LRCOL1: variants seen among roughly 807,000 people sequenced by gnomAD.
The protein encoded by LRCOL1 is leucine rich colipase like 1, also known as leucine-rich colipase-like protein 1.
A neutral mutation model predicts 21.6 loss-of-function variants in LRCOL1; 21 were observed. The observed-to-expected ratio is 0.97, with a 90% CI of 0.69 to 1.40. The LOEUF is 1.40. Ranked by LOEUF, LRCOL1 falls within the 40% of genes most tolerant of loss-of-function variation. LRCOL1 has a pLI of 0.00. For missense variants in LRCOL1, 198 were observed against 202.3 expected (o/e 0.98, Z 0.13); for synonymous variants, 98 against 90.1 (o/e 1.09, Z -0.49).
At position 132,607,347 on chromosome 12, in the gene LRCOL1, C is replaced by A. The variant is rs546693564; in HGVS notation, c.-13-1083G>T. On this transcript the variant is annotated intron_variant, in intron 1 of 5. Coordinates refer to ENST00000376608, the MANE Select transcript of LRCOL1 (RefSeq NM_001195520.2). The stretch of plus-strand genomic sequence containing the variant: ...CTGACAGGAGAGGCCAGACCAAGAT[C>A]AACACAAAATTCAAAACGATTTCTC... Among the ~76,000 whole-genome samples, 265 of 152,344 alleles carry A rather than the reference C, an allele frequency of 1.7e-3. 2 individuals carry two copies. Among genetic ancestry groups the A allele is most frequent in the African/African-American group, 6.1e-3 (255 of 41,580 alleles).
chr12:132,607,252 G>A (rs1207207845), intron 1 of LRCOL1, among the ~76,000 whole-genome samples: 1 of 152,194 alleles, frequency 6.6e-6, no homozygotes, highest in Non-Finnish European at 1.5e-5. Context: ...GTCATTAGGA[G>A]GGTCTCTCTT....
intron 2 of LRCOL1, chr12:132,605,046 C>T: frequency 7.2e-7 from 1 of 1,390,264 alleles, no homozygotes; most frequent in Non-Finnish European, 9.3e-7. Context: ...TACTGTGAGC[C>T]ACGTGGAAGA....
chr12:132,610,112 C>T lies in LRCOL1; in HGVS notation c.-14+211G>A, dbSNP rs2041354649. Among the ~76,000 whole-genome samples, 4 of 152,206 alleles carry T rather than the reference C, an allele frequency of 2.6e-5. No individual in the cohort carries two copies. In the South Asian group the frequency reaches 6.2e-4, roughly 24 times the overall value. On this transcript the variant is annotated intron_variant, in intron 1 of 5. Transcript: ENST00000376608. ...GTTTCGGCGGCCCAGCAGGGCAGGG[C>T]CGGGCACCTGGCAGGTGGGGTCATC...
intron 1 of LRCOL1, among the ~76,000 whole-genome samples, chr12:132,607,231 C>G (rs1273001869): frequency 6.6e-6 from 1 of 152,190 alleles, no homozygotes; most frequent in Non-Finnish European, 1.5e-5. Flanking sequence ...CAGCCGGGCC[C>G]AGGCGGAGAC....
rs2041247038 is a variant in LRCOL1, at chr12:132,603,218, T to A, written c.*184A>T. 1.2e-6 allele frequency: 1 copy of A among 860,468 alleles called. No homozygotes were observed. The highest frequency in any genetic ancestry group is 2.7e-5 in the East Asian group (1 of 36,832). The allele number at this position is 860,468 out of a possible 1,614,324, so 53.3% of individuals were successfully genotyped here. ...ACACCCCAGTGCCTGGGATTTGTTC[T>A]CACAGACACTTCGCGCCACCAGGCT... On this transcript the variant is annotated 3_prime_UTR_variant, in exon 6 of 6. Transcript: ENST00000376608.
intron 5 of LRCOL1, 32 bp from the exon 6 acceptor site, chr12:132,603,436 C>A: frequency 1.3e-6 from 2 of 1,536,156 alleles, no homozygotes; most frequent in Non-Finnish European, 1.7e-6. Flanking sequence ...AGGAAACGTG[C>A]AGGGGACGGG....
In LRCOL1 at chr12:132,604,566, A is replaced by T; in HGVS notation, c.250T>A (p.Ser84Thr). The change falls in exon 4 of 6, where the codon TCG (serine) becomes ACG (threonine). Residue 84 changes from serine (S) to threonine (T), a missense_variant. Coordinates refer to ENST00000376608, the MANE Select transcript of LRCOL1 (RefSeq NM_001195520.2). ...CTGCTCTGGCACTCTGAGTCGTGCG[A>T]GCATCTGTACCCATTGGGCTATGGG... ...PWRKPNGYRC[S>T]HDSECQSSCC... The T allele has an allele frequency of 2.0e-6, 3 of 1,535,836 alleles. No individual in the cohort carries two copies. Among genetic ancestry groups the T allele is most frequent in the Non-Finnish European group, 1.7e-6 (2 of 1,146,752 alleles).
In LRCOL1 at chr12:132,607,273, G is replaced by A. The variant is rs567764188; in HGVS notation, c.-13-1009C>T. Among the ~76,000 whole-genome samples the A allele has an allele frequency of 2.0e-5, 3 of 152,276 alleles. No homozygotes were observed. The East Asian group carries it at 5.8e-4, about 29-fold the overall frequency. On this transcript the variant is annotated intron_variant, in intron 1 of 5. Transcript: ENST00000376608. ...AGGAGGGTCTCTCTTTTCCTCCTGG[G>A]TTCCAAAGCCATACGGGAAAACCCA...
Position 132,604,834 on chromosome 12 carries a change from GAAACACCACTCACCA to G in LRCOL1, c.106-18_106-4del. The G allele has an allele frequency of 2.0e-6, 3 of 1,535,848 alleles. No individual in the cohort carries two copies. On this transcript the variant is annotated splice_polypyrimidine_tract_variant and splice_region_variant and intron_variant, in intron 2 of 5. Transcript: ENST00000376608. ...CTCCTGCATGGCTCCCCGATGCCCT[GAAACACCACTCACCA>G]GCTCGCTCACCTGTTCCTGGGCAGG...
chr12:132,604,083 C>G, intron 5 of LRCOL1, 171 bp downstream of exon 5: 1 of 1,425,512 alleles, frequency 7.0e-7, no homozygotes, highest in Non-Finnish European at 9.1e-7. Flanking sequence ...CTCTGCGGCC[C>G]CCACCTTATG....
intron 3 of LRCOL1, 39 bp downstream of exon 3, chr12:132,604,667 A>G (rs1447122123): frequency 6.5e-7 from 1 of 1,527,960 alleles, no homozygotes; most frequent in East Asian, 2.5e-5. Flanking sequence ...GGCCACAGGC[A>G]GTCTCGCTCC....
intron 1 of LRCOL1, among the ~76,000 whole-genome samples, chr12:132,607,287 C>T (rs536709936): frequency 6.6e-5 from 10 of 152,144 alleles, no homozygotes; most frequent in Admixed American, 6.5e-5. Context: ...CAAAGCCATA[C>T]GGGAAAACCC....
Position 132,604,466 on chromosome 12 carries a change from C to T in LRCOL1, c.350G>A (p.Arg117His), listed in dbSNP as rs756009698. The T allele has an allele frequency of 1.0e-5, 16 of 1,535,134 alleles. No individual in the cohort carries two copies. In the South Asian group the frequency reaches 1.3e-4, roughly 13 times the overall value. ...CCCCGGGTGCCCGCAGCTCACCTTG[C>T]GCCAGGGCACACACTGCAGGAAGAC... ...QSVFLQCVPW[R>H]KPNGDFCSSH... Residue 117 changes from arginine to histidine, a missense_variant, in exon 4 of 6, where the codon CGC becomes CAC. Transcript: ENST00000376608.
chr12:132,609,569 TC>T (rs1403746549), intron 1 of LRCOL1, among the ~76,000 whole-genome samples: 17 of 152,048 alleles, frequency 1.1e-4, no homozygotes, highest in Non-Finnish European at 1.6e-4. Flanking sequence ...TGGTGGTGCA[TC>T]CCGGTAGTCC....
At chr12:132,604,228 A>C in intron 5 of LRCOL1, 26 bp downstream of exon 5, 1 of 1,516,712 alleles carries the variant, frequency 6.6e-7, no homozygotes, top group Non-Finnish European at 8.8e-7. Flanking sequence ...GAGGGCCTGG[A>C]GGCTGAGCCC....
intron 1 of LRCOL1, among the ~76,000 whole-genome samples, chr12:132,607,523 TG>T (rs1427317252): frequency 1.3e-5 from 2 of 152,252 alleles, no homozygotes; most frequent in Non-Finnish European, 2.9e-5. Flanking sequence ...CACCCCGTGC[TG>T]TGAGACCACA....
chr12:132,605,479 A>G (rs2041295126), intron 2 of LRCOL1, among the ~76,000 whole-genome samples: 1 of 152,232 alleles, frequency 6.6e-6, no homozygotes, highest in South Asian at 2.1e-4. Flanking sequence ...CTGTAATCCC[A>G]GCACTTTGGG....
At position 132,603,284 on chromosome 12, in the gene LRCOL1, G is replaced by A. The variant is rs2041248325; in HGVS notation, c.*118C>T. 21 of 1,444,684 alleles carry A rather than the reference G, an allele frequency of 1.5e-5. No individual in the cohort carries two copies. The South Asian group carries it at 2.5e-4, about 17-fold the overall frequency. 89.5% of individuals were successfully genotyped at this position (1,444,684 alleles called of 1,614,324 possible). A position where few individuals can be genotyped will look rare whatever the true frequency, so the allele number is the denominator to read the frequency against. On this transcript the variant is annotated 3_prime_UTR_variant, in exon 6 of 6. Transcript: ENST00000376608. Reference sequence around the variant, plus strand: ...GTTCCCACAGATTTTCAGAGCCCCAGAAACAGCAGCACAAACCGTAAGGGA... The same window carrying A: ...GTTCCCACAGATTTTCAGAGCCCCAAAAACAGCAGCACAAACCGTAAGGGA...
chr12:132,604,888 G>A, intron 2 of LRCOL1, 57 bp from the exon 3 acceptor site: 1 of 1,524,514 alleles, frequency 6.6e-7, no homozygotes, highest in Non-Finnish European at 8.8e-7. Context: ...TGCAGACTCA[G>A]CACTCAGGAA....
Sources: allele counts gnomAD v4.1 joint callset (sites outside exome capture counted in the v4.1 genomes callset), GRCh38; gene constraint gnomAD v4.1.1; transcripts MANE v1.5; gene names NCBI Gene and HGNC (gene_info 2026-07-23, HGNC 2026-07-21).